The following CNTNAP2 variants were observed in gnomAD, a reference collection of about 807,000 sequenced individuals.
CNTNAP2 encodes the protein contactin associated protein 2.
CNTNAP2 carries 98 observed loss-of-function variants against 155.2 expected under a neutral mutation model. That is an observed-to-expected ratio of 0.63 (90% CI 0.54 to 0.75). The LOEUF is 0.75. Among genes scored for constraint, CNTNAP2 ranks in the 30% least tolerant of loss-of-function variants. CNTNAP2 has a pLI of 0.00. For synonymous variants in CNTNAP2, 651 were observed against 631.2 expected (o/e 1.03, Z -0.47); for missense variants, 1,727 against 1,688.1 (o/e 1.02, Z -0.40).
intron 1 of CNTNAP2, among the ~76,000 whole-genome samples, chr7:146,707,708 C>T (rs369708443): frequency 6.6e-6 from 1 of 152,198 alleles, no homozygotes; most frequent in African/African-American, 2.4e-5. Flanking sequence ...TTCCTTATTT[C>T]CTTTTAAGTC....
At chr7:148,260,433 A>G (rs1796538389) in intron 20 of CNTNAP2, among the ~76,000 whole-genome samples, 1 of 152,224 alleles carries the variant, frequency 6.6e-6, no homozygotes, top group South Asian at 2.1e-4. Flanking sequence ...AAAGCCTTGT[A>G]CACAGCAGTT....
At chr7:147,878,346 C>G (rs982483232) in intron 13 of CNTNAP2, among the ~76,000 whole-genome samples, 1 of 152,056 alleles carries the variant, frequency 6.6e-6, no homozygotes, top group African/African-American at 2.4e-5. Flanking sequence ...TTCTTGTTCT[C>G]TAGCTTCTAA....
intron 1 of CNTNAP2, among the ~76,000 whole-genome samples, chr7:146,246,353 C>G (rs776639843): frequency 6.6e-6 from 1 of 150,680 alleles, no homozygotes; most frequent in Non-Finnish European, 1.5e-5. Context: ...TAAAGTGTCT[C>G]GGCCTAATAA....
intron 1 of CNTNAP2, among the ~76,000 whole-genome samples, chr7:146,369,177 A>ATG (rs1795198705): frequency 6.6e-6 from 1 of 151,058 alleles, no homozygotes; most frequent in Non-Finnish European, 1.5e-5. Flanking sequence ...ACGTGTGTGT[A>ATG]TGTGTGTGTA....
chr7:146,904,044 G>A (rs1033651604), intron 3 of CNTNAP2, among the ~76,000 whole-genome samples: 7 of 152,060 alleles, frequency 4.6e-5, no homozygotes, highest in East Asian at 1.9e-4. Flanking sequence ...ATTAGATAAC[G>A]TTAATTCAAC....
intron 13 of CNTNAP2, among the ~76,000 whole-genome samples, chr7:147,865,559 G>T (rs569922698): frequency 6.6e-6 from 1 of 152,066 alleles, no homozygotes; most frequent in Non-Finnish European, 1.5e-5. Context: ...TCTGGTTCTG[G>T]ACTTTTTTTG....
chr7:147,002,058 A>T (rs1201165544), intron 3 of CNTNAP2, among the ~76,000 whole-genome samples: 1 of 152,004 alleles, frequency 6.6e-6, no homozygotes, highest in Non-Finnish European at 1.5e-5. Flanking sequence ...ACATAAGGCA[A>T]TGTAATAGAA....
At chr7:146,267,461 A>G (rs575610479) in intron 1 of CNTNAP2, among the ~76,000 whole-genome samples, 1 of 152,272 alleles carries the variant, frequency 6.6e-6, no homozygotes, top group South Asian at 2.1e-4. Flanking sequence ...AGAAAATACC[A>G]TTGCTATGGA....
At chr7:147,231,624 C>G (rs1803683343) in intron 8 of CNTNAP2, among the ~76,000 whole-genome samples, 1 of 152,106 alleles carries the variant, frequency 6.6e-6, no homozygotes, top group South Asian at 2.1e-4. Flanking sequence ...GATAACCATC[C>G]CAGCAAGTAT....
chr7:147,835,283 A>G (rs769054176), intron 13 of CNTNAP2, among the ~76,000 whole-genome samples: 1 of 152,388 alleles, frequency 6.6e-6, no homozygotes, highest in Non-Finnish European at 1.5e-5. Context: ...GAGCAGAGCC[A>G]TGAATCGAGT....
chr7:148,101,164 A>G lies in CNTNAP2; in HGVS notation c.2384-16954A>G, dbSNP rs11973491. On this transcript the variant is annotated intron_variant, in intron 15 of 23. Coordinates refer to ENST00000361727, the MANE Select transcript of CNTNAP2 (RefSeq NM_014141.6). The stretch of plus-strand genomic sequence containing the variant: ...GGGGGGAGGGGGGAGGGATAGCATT[A>G]GGAGTAATACCTAATGCTAAATGAC... 4.0e-3 allele frequency among the ~76,000 whole-genome samples: 604 copies of G among 151,820 alleles called. 6 individuals are homozygous for G. Among genetic ancestry groups the G allele is most frequent in the African/African-American group, 0.014 (586 of 41,422 alleles).
chr7:146,698,943 TTTTC>T (rs1800829889), intron 1 of CNTNAP2, among the ~76,000 whole-genome samples: 1 of 152,192 alleles, frequency 6.6e-6, no homozygotes, highest in Non-Finnish European at 1.5e-5. Context: ...TTTATCTTTT[TTTTC>T]TTTCTTTCTA....
chr7:147,977,897 A>T lies in CNTNAP2; in HGVS notation c.2291A>T (p.His764Leu). ...KDAGFLSYKD[H>L]LPVSQVVVGD... Reference sequence around the variant, plus strand: ...GCTGGTTTCTTATCATACAAAGATCACCTGCCAGTGAGCCAAGTGGTGGTT... The same window carrying T: ...GCTGGTTTCTTATCATACAAAGATCTCCTGCCAGTGAGCCAAGTGGTGGTT... Residue 764 changes from histidine to leucine, a missense_variant, in exon 15 of 24, where the codon CAC becomes CTC. By Grantham distance (99) the His-to-Leu change is moderately conservative (BLOSUM62 -3). Coordinates refer to ENST00000361727, the MANE Select transcript of CNTNAP2 (RefSeq NM_014141.6). 1 of 1,613,718 alleles carries T rather than the reference A, an allele frequency of 6.2e-7. No homozygotes were observed. The highest frequency in any genetic ancestry group is 8.5e-7 in the Non-Finnish European group (1 of 1,179,990).
intron 20 of CNTNAP2, among the ~76,000 whole-genome samples, chr7:148,263,701 C>T (rs1046089174): frequency 1.3e-5 from 2 of 148,358 alleles, no homozygotes; most frequent in South Asian, 2.1e-4. Flanking sequence ...GGTGCCTCTG[C>T]ACTCCAGCCT....
intron 15 of CNTNAP2, among the ~76,000 whole-genome samples, chr7:148,002,980 A>T (rs1447776479): frequency 6.6e-6 from 1 of 152,182 alleles, no homozygotes; most frequent in South Asian, 2.1e-4. Flanking sequence ...TGACCTGGGG[A>T]AGAAAGATGA....
chr7:147,315,478 CTTTTTTTTTT>C (rs3050776), intron 9 of CNTNAP2, among the ~76,000 whole-genome samples: 1 of 103,940 alleles, frequency 9.6e-6, no homozygotes, highest in Non-Finnish European at 1.9e-5. Flanking sequence ...TTATTCTGGA[CTTTTTTTTTT>C]TTTTTTTTTT....
chr7:146,142,365 C>T (rs1443417950), intron 1 of CNTNAP2, among the ~76,000 whole-genome samples: 1 of 152,134 alleles, frequency 6.6e-6, no homozygotes, highest in African/African-American at 2.4e-5. Flanking sequence ...GACACTTGCC[C>T]CTTCAGTGAG....
At chr7:147,116,414 T>C (rs1178012743) in intron 5 of CNTNAP2, among the ~76,000 whole-genome samples, 1 of 152,202 alleles carries the variant, frequency 6.6e-6, no homozygotes, top group Non-Finnish European at 1.5e-5. Flanking sequence ...GCCCACAGGC[T>C]GGACTAGCTG....
chr7:146,158,932 A>G (rs1380995749), intron 1 of CNTNAP2, among the ~76,000 whole-genome samples: 1 of 152,210 alleles, frequency 6.6e-6, no homozygotes, highest in African/African-American at 2.4e-5. Context: ...TCCAAGATAC[A>G]TAATTGTCAG....
Sources: allele counts gnomAD v4.1 joint callset (sites outside exome capture counted in the v4.1 genomes callset), GRCh38; gene constraint gnomAD v4.1.1; transcripts MANE v1.5; gene names NCBI Gene and HGNC (gene_info 2026-07-23, HGNC 2026-07-21).